AKNAD1: variants seen among roughly 807,000 people sequenced by gnomAD.
AKNAD1 encodes protein AKNAD1.
A neutral mutation model predicts 90.8 loss-of-function variants in AKNAD1; 67 were observed. The observed-to-expected ratio is 0.74, with a 90% CI of 0.61 to 0.90. The LOEUF is 0.90. AKNAD1 is among the 40% of genes least tolerant of loss of function. The pLI is 0.00. For synonymous variants in AKNAD1, 327 were observed against 341.4 expected, an observed-to-expected ratio of 0.96 and a Z score of 0.46; for missense variants, 957 against 975.4, an observed-to-expected ratio of 0.98 and a Z score of 0.25.
chr1:108,849,322 A>G (rs1252331835), intron 3 of AKNAD1, among the ~76,000 whole-genome samples: 2 of 151,928 alleles, frequency 1.3e-5, no homozygotes, highest in Admixed American at 6.6e-5. Context: ...ATCTACAAAA[A>G]AAAAAAATTA....
intron 11 of AKNAD1, among the ~76,000 whole-genome samples, chr1:108,826,611 A>G (rs1381344497): frequency 2.0e-5 from 3 of 151,652 alleles, no homozygotes; most frequent in Admixed American, 6.6e-5. Context: ...ATGAGGATGG[A>G]CAGACTGAAT....
chr1:108,816,733 T>C (rs1279416408), intron 15 of AKNAD1: 3 of 301,400 alleles, frequency 1.0e-5, no homozygotes, highest in Admixed American at 9.4e-5. Context: ...TAGGAAACTG[T>C]TGGCAACTCT....
chr1:108,821,534 G>C (rs1663813167), intron 13 of AKNAD1, among the ~76,000 whole-genome samples: 1 of 152,210 alleles, frequency 6.6e-6, no homozygotes, highest in Admixed American at 6.5e-5. Context: ...TGTGATCTGT[G>C]CATGACATCT....
chr1:108,831,962 G>A (rs1230321672), intron 9 of AKNAD1, among the ~76,000 whole-genome samples: 1 of 151,604 alleles, frequency 6.6e-6, no homozygotes, highest in Non-Finnish European at 1.5e-5. Context: ...TTTAGCTCAT[G>A]TCCTTTGTCC....
At position 108,852,310 on chromosome 1, in the gene AKNAD1, T is replaced by C. The variant is rs1664892316; in HGVS notation, c.355A>G (p.Lys119Glu). ...CCTTGACCTCTTAAGAATGGCTCTT[T>C]GGAAAGATGATGAAGTAAAATATCA... ...ISDILLHHLS[K>E]EPFLRGQGID... The change falls in exon 2 of 16, where the codon AAA (lysine) becomes GAA (glutamate). Residue 119 changes from lysine to glutamate, a missense_variant. Physicochemically the swap from Lys to Glu is moderately conservative, Grantham distance 56. Coordinates refer to ENST00000370001, the MANE Select transcript of AKNAD1 (RefSeq NM_152763.5). The C allele has an allele frequency of 6.2e-7, 1 of 1,614,104 alleles. No homozygotes were observed. The highest frequency in any genetic ancestry group is 1.3e-5 in the African/African-American group (1 of 74,930).
At position 108,834,947 on chromosome 1, in the gene AKNAD1, C is replaced by A; in HGVS notation, c.1646G>T (p.Cys549Phe). 1 of 1,543,014 alleles carries A rather than the reference C, an allele frequency of 6.5e-7. No homozygotes were observed. Among genetic ancestry groups the A allele is most frequent in the Non-Finnish European group, 8.7e-7 (1 of 1,154,346 alleles). ...GACTCACGTCTGCGGGGCCAGCTCA[C>A]AGAGCTCCTCGTTGGGGGCCTCCTG... ...GPQEAPNEEL[C>F]ELAPQTYLNG... Residue 549 changes from cysteine to phenylalanine, a missense_variant, in exon 8 of 16, where the codon TGT becomes TTT. Physicochemically the swap from Cys to Phe is radical, Grantham distance 205. Transcript: ENST00000370001.
Position 108,835,071 on chromosome 1 carries a change from CAGAA to C in AKNAD1, c.1537-19_1537-16del, listed in dbSNP as rs775290427. 6.4e-7 allele frequency: 1 copy of C among 1,568,812 alleles called. No homozygotes were observed. Among genetic ancestry groups the C allele is most frequent in the Non-Finnish European group, 8.6e-7 (1 of 1,163,468 alleles). ...TCCTTGGGAATCTGGGGGAGCCACA[CAGAA>C]AGACTTGAATTAGAGCCACAGTCCC... is the stretch of plus-strand genomic sequence containing the variant. On this transcript the variant is annotated splice_polypyrimidine_tract_variant and intron_variant, in intron 7 of 15. Coordinates refer to ENST00000370001, the MANE Select transcript of AKNAD1 (RefSeq NM_152763.5).
intron 5 of AKNAD1, among the ~76,000 whole-genome samples, chr1:108,843,953 T>C (rs1184416585): frequency 6.6e-6 from 1 of 152,238 alleles, no homozygotes; most frequent in African/African-American, 2.4e-5. Context: ...AAACATTCCC[T>C]GAGCACTTTC....
chr1:108,821,059 C>T (rs950004107), intron 13 of AKNAD1, among the ~76,000 whole-genome samples: 1 of 152,092 alleles, frequency 6.6e-6, no homozygotes, highest in South Asian at 2.1e-4. Flanking sequence ...TGCCCTCCAG[C>T]CTGGGCGACA....
rs904030355 is a variant in AKNAD1, at chr1:108,838,363, C to T, written c.1380-657G>A. ...CCCTGTTTAATTAGAAATTTTAATA[C>T]CTAAATAGCTTTGGATTAAGTAGGA... On this transcript the variant is annotated intron_variant, in intron 6 of 15. Coordinates refer to ENST00000370001, the MANE Select transcript of AKNAD1 (RefSeq NM_152763.5). Among the ~76,000 whole-genome samples, 3 of 149,378 alleles carry T rather than the reference C, an allele frequency of 2.0e-5. No homozygotes were observed. In the East Asian group the frequency reaches 5.8e-4, roughly 29 times the overall value.
At chr1:108,816,785 CGGCCAG>C (rs1396712403) in intron 15 of AKNAD1, 1 of 414,344 alleles carries the variant, frequency 2.4e-6, no homozygotes, top group Non-Finnish European at 4.4e-6. Context: ...CTTCAACCCC[CGGCCAG>C]GGAAATCCTG....
intron 7 of AKNAD1, 162 bp downstream of exon 7, chr1:108,837,388 A>C (rs1664418316): frequency 4.6e-6 from 3 of 645,366 alleles, no homozygotes; most frequent in Non-Finnish European, 7.5e-6. Context: ...TAATCTTTAA[A>C]AGCTGGTTCC....
rs146911307 is a variant in AKNAD1, at chr1:108,837,168, G to A, written c.1536+382C>T. On this transcript the variant is annotated intron_variant, in intron 7 of 15. Transcript: ENST00000370001. ...GAATCACTTGAGCCCGGGAGACAAAGGTTGCAGTGAGCTGAGATCGTGCTA... is the reference window on the plus strand; with the variant it reads ...GAATCACTTGAGCCCGGGAGACAAAAGTTGCAGTGAGCTGAGATCGTGCTA... The A allele has an allele frequency of 5.2e-3, 828 of 157,782 alleles. 10 individuals carry two copies. Among genetic ancestry groups the A allele is most frequent in the African/African-American group, 0.019 (793 of 41,670 alleles). 9.8% of individuals were successfully genotyped at this position (157,782 alleles called of 1,614,324 possible).
chr1:108,823,483 A>T lies in AKNAD1; in HGVS notation c.2060-6T>A, dbSNP rs1162536802. 28 of 1,613,002 alleles carry T rather than the reference A, an allele frequency of 1.7e-5. No individual in the cohort carries two copies. The highest frequency in any genetic ancestry group is 2.4e-5 in the Non-Finnish European group (28 of 1,179,090). On this transcript the variant is annotated splice_polypyrimidine_tract_variant and splice_region_variant and intron_variant, in intron 12 of 15. Transcript: ENST00000370001. ...GTTGTATCTATAATGAAATTCTGGG[A>T]AGAAAAGATTAAAAATACAGTTAAT...
Position 108,823,438 on chromosome 1 carries a change from G to T in AKNAD1, c.2099C>A (p.Ser700Ter). The change falls in exon 13 of 16, where the codon TCA (serine) becomes TAA (stop). Residue 700 changes from serine (S) to a stop codon, truncating the protein, a stop_gained. Transcript: ENST00000370001. LOFTEE classifies it high-confidence loss of function. ...AAAGGCACCTCTTTTGCTATGATTT[G>T]AGTAATTCTGTCCTGGAGTGTTGTA... ...YRYNTPGQNY[S>*]NHSKRGAFVQ... 1 of 1,614,116 alleles carries T rather than the reference G, an allele frequency of 6.2e-7. No homozygotes were observed. The highest frequency in any genetic ancestry group is 1.1e-5 in the South Asian group (1 of 91,062).
In AKNAD1 at chr1:108,817,161, A is replaced by G. The variant is rs751987326; in HGVS notation, c.2266T>C (p.Phe756Leu). ...GCAGGGTCTGAGCTGTAGGTCATGA[A>G]AGCCTGAAGTTTTTTTCTGGAAGAC... ...PTPGKKKLQA[F>L]MTYSSDPATP... The change falls in exon 15 of 16, where the codon TTC (phenylalanine) becomes CTC (leucine). Residue 756 changes from phenylalanine (F) to leucine (L), a missense_variant. Phe to Leu is a conservative substitution (Grantham distance 22, BLOSUM62 0). Transcript: ENST00000370001. The G allele has an allele frequency of 6.1e-5, 99 of 1,613,882 alleles. No homozygotes were observed. The highest frequency in any genetic ancestry group is 8.0e-5 in the Non-Finnish European group (94 of 1,179,996).
Position 108,823,674 on chromosome 1 carries a change from G to A in AKNAD1, c.1951C>T (p.His651Tyr). Reference sequence around the variant, plus strand: ...GTGCCAGAATCAGAACAGAAGCTGTGTCCTGTATCAGAATCTGAAAAAGCC... The same window carrying A: ...GTGCCAGAATCAGAACAGAAGCTGTATCCTGTATCAGAATCTGAAAAAGCC... The part of the protein sequence containing the change: ...SDSTPNSDTG[H>Y]SFCSDSGTEM... Residue 651 changes from histidine (H) to tyrosine (Y), a missense_variant, in exon 12 of 16, where the codon CAC becomes TAC. By Grantham distance (83) the His-to-Tyr change is moderately conservative. Coordinates refer to ENST00000370001, the MANE Select transcript of AKNAD1 (RefSeq NM_152763.5). 6.2e-7 allele frequency: 1 copy of A among 1,614,050 alleles called. No homozygotes were observed. Among genetic ancestry groups the A allele is most frequent in the African/African-American group, 1.3e-5 (1 of 75,024 alleles).
intron 5 of AKNAD1, among the ~76,000 whole-genome samples, chr1:108,847,705 T>C (rs1272913337): frequency 6.6e-6 from 1 of 152,164 alleles, no homozygotes; most frequent in African/African-American, 2.4e-5. Context: ...CCTGCCAAGC[T>C]CATCCCTATT....
At chr1:108,855,971 C>A (rs1182680311) in intron 1 of AKNAD1, among the ~76,000 whole-genome samples, 1 of 151,006 alleles carries the variant, frequency 6.6e-6, no homozygotes, top group Non-Finnish European at 1.5e-5. Flanking sequence ...CCTCCCTTAG[C>A]CTCCTGAGTA....
Sources: gnomAD v4.1 joint callset for allele counts (sites outside exome capture counted in the v4.1 genomes callset) on GRCh38, gnomAD v4.1.1 for gene constraint, MANE v1.5 for transcripts, NCBI Gene and HGNC (gene_info 2026-07-23, HGNC 2026-07-21) for gene names.